Variants in PLEKHA3 observed in about 807,000 individuals in gnomAD.
PLEKHA3 encodes the protein pleckstrin homology domain-containing family A member 3.
PLEKHA3 carries 19 observed loss-of-function variants against 39.2 expected under a neutral mutation model. The observed-to-expected ratio is 0.48, with a 90% CI of 0.34 to 0.71. The LOEUF (loss-of-function observed/expected upper bound fraction) is 0.71. Among genes scored for constraint, PLEKHA3 ranks in the 30% least tolerant of loss-of-function variants. The pLI is 0.01. For missense variants in PLEKHA3, 253 were observed against 359.5 expected (o/e 0.70, Z 2.40); for synonymous variants, 97 against 118.6 (o/e 0.82, Z 1.18).
At position 178,493,982 on chromosome 2, in the gene PLEKHA3, G is replaced by C. The variant is rs1685400349; in HGVS notation, c.443G>C (p.Ser148Thr). Reference sequence around the variant, plus strand: ...CATGATGAGAATCATTCATCTCCTAGTGCAGAGGTAGAGCGAAGAGGATCT... The same window carrying C: ...CATGATGAGAATCATTCATCTCCTACTGCAGAGGTAGAGCGAAGAGGATCT... The part of the protein sequence containing the change: ...VHHDENHSSP[S>T]AENMNEASSL... Residue 148 changes from serine to threonine, a missense_variant, in exon 4 of 8, where the codon AGT becomes ACT. Around this residue, in one of 2 missense-constraint regions of PLEKHA3, gnomAD observed 126 missense variants for 222.7 expected, o/e 0.57. Transcript: ENST00000234453. 6.2e-7 allele frequency: 1 copy of C among 1,613,456 alleles called. No individual in the cohort carries two copies.
At chr2:178,502,664 G>A (rs1424825140) in intron 7 of PLEKHA3, among the ~76,000 whole-genome samples, 5 of 150,396 alleles carry the variant, frequency 3.3e-5, no homozygotes. Context: ...TTTTTCTTTA[G>A]AATTCTTTTC....
chr2:178,483,014 T>C (rs755251882), intron 1 of PLEKHA3, among the ~76,000 whole-genome samples: 7 of 152,116 alleles, frequency 4.6e-5, no homozygotes, highest in African/African-American at 7.2e-5. Flanking sequence ...TCTCAGCACA[T>C]TGGGAGGCTG....
At chr2:178,501,253 G>C in intron 7 of PLEKHA3, 77 bp downstream of exon 7, 2 of 994,774 alleles carry the variant, frequency 2.0e-6, no homozygotes, top group Non-Finnish European at 3.1e-6. Context: ...TTCTGGAAAT[G>C]AAGTATACTG....
chr2:178,497,965 A>G (rs1685473482), intron 5 of PLEKHA3, among the ~76,000 whole-genome samples: 2 of 151,960 alleles, frequency 1.3e-5, no homozygotes, highest in African/African-American at 4.8e-5. Flanking sequence ...AACATTGTTT[A>G]TTTATTTATA....
intron 3 of PLEKHA3, 81 bp downstream of exon 3, chr2:178,490,895 T>C (rs955481605): frequency 2.8e-6 from 3 of 1,085,884 alleles, no homozygotes; most frequent in African/African-American, 3.2e-5. Context: ...CTGTCCACTT[T>C]TAGTATCTAT....
At position 178,507,658 on chromosome 2, in the gene PLEKHA3, G is replaced by GTTTTTTTTTTTTTTTTTTTTTTTTTT. The variant is rs35052196; in HGVS notation, c.*3782_*3807dup. 1 of 28,818 alleles carries GTTTTTTTTTTTTTTTTTTTTTTTTTT rather than the reference G, an allele frequency of 3.5e-5. No individual in the cohort carries two copies. The highest frequency in any genetic ancestry group is 9.5e-5 in the African/African-American group (1 of 10,518). 1.8% of individuals were successfully genotyped at this position (28,818 alleles called of 1,614,324 possible). On this transcript the variant is annotated 3_prime_UTR_variant, in exon 8 of 8. Coordinates refer to ENST00000234453, the MANE Select transcript of PLEKHA3 (RefSeq NM_019091.4). ...CCTTTAGTTTTTAGTCTCACATTAGGTTTTTTTTTTTTTTTTTTTTTTTTT... is the reference window on the plus strand; with the variant it reads ...CCTTTAGTTTTTAGTCTCACATTAGGTTTTTTTTTTTTTTTTTTTTTTTTTTTTTTTTTTTTTTTTTTTTTTTTTTT...
chr2:178,508,197 A>G lies in PLEKHA3; in HGVS notation c.*4310A>G, dbSNP rs527988831. 1 of 153,344 alleles carries G rather than the reference A, an allele frequency of 6.5e-6. No individual in the cohort carries two copies. The highest frequency in any genetic ancestry group is 2.4e-5 in the African/African-American group (1 of 41,438). 9.5% of individuals were successfully genotyped at this position (153,344 alleles called of 1,614,324 possible). A position where few individuals can be genotyped will look rare whatever the true frequency, so the allele number is the denominator to read the frequency against. On this transcript the variant is annotated 3_prime_UTR_variant, in exon 8 of 8. Coordinates refer to ENST00000234453, the MANE Select transcript of PLEKHA3 (RefSeq NM_019091.4). ...AGTTGGACCGCCTCTAAATTTAAAA[A>G]GCTTTTTCTCTCTAGTTGTTCCTTA...
rs1226658930 is a variant in PLEKHA3, at chr2:178,516,347, A to G, written c.*12460A>G. 1 of 152,042 alleles carries G rather than the reference A, an allele frequency of 6.6e-6. No individual in the cohort carries two copies. The highest frequency in any genetic ancestry group is 2.4e-5 in the African/African-American group (1 of 41,388). The allele number at this position is 152,042 out of a possible 1,614,324, so 9.4% of individuals were successfully genotyped here. A position where few individuals can be genotyped will look rare whatever the true frequency, so the allele number is the denominator to read the frequency against. On this transcript the variant is annotated 3_prime_UTR_variant, in exon 8 of 8. Transcript: ENST00000234453. ...ATATATGTATACTTATTTTGTGAGT[A>G]TTTTTTTCTTTTCCAAATTCCAAAA...
At chr2:178,488,077 C>G (rs553818460) in intron 2 of PLEKHA3, among the ~76,000 whole-genome samples, 6 of 151,630 alleles carry the variant, frequency 4.0e-5, no homozygotes, top group East Asian at 1.9e-4. Context: ...AGTTCGAGAC[C>G]AGCCTGGGCA....
chr2:178,496,408 A>G (rs984031696), intron 5 of PLEKHA3, among the ~76,000 whole-genome samples: 3 of 152,230 alleles, frequency 2.0e-5, no homozygotes, highest in African/African-American at 7.2e-5. Flanking sequence ...TATAGGAGTA[A>G]GAATGCCACC....
At chr2:178,484,846 G>A (rs1288814217) in intron 1 of PLEKHA3, among the ~76,000 whole-genome samples, 1 of 152,186 alleles carries the variant, frequency 6.6e-6, no homozygotes, top group African/African-American at 2.4e-5. Flanking sequence ...CATCCTTGTC[G>A]TCAGCTTTGG....
chr2:178,499,301 T>C, intron 6 of PLEKHA3, 47 bp downstream of exon 6: 1 of 1,584,682 alleles, frequency 6.3e-7, no homozygotes. Context: ...ATTATATCCA[T>C]CTAGGGAAGT....
rs1437898163 is a variant in PLEKHA3 at position 178,515,084 on chromosome 2, G to A, written c.*11197G>A. 1 of 110,666 alleles carries A rather than the reference G, an allele frequency of 9.0e-6. No individual in the cohort carries two copies. The highest frequency in any genetic ancestry group is 3.4e-5 in the African/African-American group (1 of 29,566). 6.9% of individuals were successfully genotyped at this position (110,666 alleles called of 1,614,324 possible). On this transcript the variant is annotated 3_prime_UTR_variant, in exon 8 of 8. Transcript: ENST00000234453. ...TTTGTAGCATATGGCTTCCTCTACT[G>A]TATGTTGGCATTTGCCACTTTTGGG...
In PLEKHA3 at chr2:178,504,618, T is replaced by C. The variant is rs941000325; in HGVS notation, c.*731T>C. ...GTGTATACGTTGTTCTTTACGTTGT[T>C]CTAGAAAAGAGATTTTAATGCTGTA... On this transcript the variant is annotated 3_prime_UTR_variant, in exon 8 of 8. Transcript: ENST00000234453. 6.6e-6 allele frequency: 1 copy of C among 152,248 alleles called. No homozygotes were observed. The highest frequency in any genetic ancestry group is 1.5e-5 in the Non-Finnish European group (1 of 67,854). 9.4% of individuals were successfully genotyped at this position (152,248 alleles called of 1,614,324 possible). A position where few individuals can be genotyped will look rare whatever the true frequency, so the allele number is the denominator to read the frequency against.
At chr2:178,495,772 A>G in intron 5 of PLEKHA3, 112 bp downstream of exon 5, 1 of 1,174,312 alleles carries the variant, frequency 8.5e-7, no homozygotes, top group Non-Finnish European at 1.2e-6. Context: ...GGGGCGGGGA[A>G]CAGCTAACAA....
chr2:178,513,410 CTAT>C lies in PLEKHA3; in HGVS notation c.*9528_*9530del, dbSNP rs748228691. Reference sequence around the variant, plus strand: ...TGTGACAGTTGAACAATTCTGACCCCTATTATTGTTGGCTGGACAGGCATTTTC... The same window carrying C: ...TGTGACAGTTGAACAATTCTGACCCCTATTGTTGGCTGGACAGGCATTTTC... On this transcript the variant is annotated 3_prime_UTR_variant, in exon 8 of 8. Coordinates refer to ENST00000234453, the MANE Select transcript of PLEKHA3 (RefSeq NM_019091.4). 3.9e-5 allele frequency: 6 copies of C among 152,288 alleles called. No individual in the cohort carries two copies. In the South Asian group the frequency reaches 6.2e-4, roughly 16 times the overall value. The allele number at this position is 152,288 out of a possible 1,614,324, so 9.4% of individuals were successfully genotyped here.
intron 1 of PLEKHA3, among the ~76,000 whole-genome samples, chr2:178,482,378 C>T (rs1422563376): frequency 6.6e-6 from 1 of 151,474 alleles, no homozygotes; most frequent in Non-Finnish European, 1.5e-5. Context: ...AAAACAAAAA[C>T]AAAAACAAAA....
intron 5 of PLEKHA3, among the ~76,000 whole-genome samples, chr2:178,497,100 T>A (rs1322150125): frequency 6.6e-6 from 1 of 151,928 alleles, no homozygotes; most frequent in Non-Finnish European, 1.5e-5. Context: ...CACCCTCTTT[T>A]ATGCTGAAGT....
In PLEKHA3 at chr2:178,490,240, T is replaced by C. The variant is rs138345382; in HGVS notation, c.158-419T>C. Among the ~76,000 whole-genome samples the C allele has an allele frequency of 5.3e-3, 812 of 152,318 alleles. 10 individuals are homozygous for C. The highest frequency in any genetic ancestry group is 0.018 in the African/African-American group (747 of 41,556). On this transcript the variant is annotated intron_variant, in intron 2 of 7. Transcript: ENST00000234453. ...TTTTCTGACAGAAGGTGGCTGTAGT[T>C]GTCATTTATTACATTCCTTCTATGT...
Sources: allele counts gnomAD v4.1 joint callset (sites outside exome capture counted in the v4.1 genomes callset), GRCh38; gene constraint gnomAD v4.1.1; regional missense constraint gnomAD v4.1.1; transcripts MANE v1.5; gene names NCBI Gene and HGNC (gene_info 2026-07-23, HGNC 2026-07-21).